UPF2: variants seen among roughly 807,000 people sequenced by gnomAD.
UPF2 encodes the protein regulator of nonsense transcripts 2.
In UPF2, 17 loss-of-function variants were observed where a neutral mutation model predicts 141.4. The observed-to-expected ratio is 0.12, with a 90% CI of 0.08 to 0.18. The LOEUF (loss-of-function observed/expected upper bound fraction) is 0.18. UPF2 is among the 10% of genes least tolerant of loss of function. The pLI, the probability that UPF2 is intolerant of heterozygous loss-of-function variation, is 1.00. For synonymous variants in UPF2, 540 were observed against 498.0 expected (o/e 1.08, Z -1.12); for missense variants, 1,152 against 1,515.9 (o/e 0.76, Z 3.99).
chr10:11,943,671 G>C (rs189229067), intron 16 of UPF2, among the ~76,000 whole-genome samples: 1 of 152,156 alleles, frequency 6.6e-6, no homozygotes, highest in East Asian at 1.9e-4. Flanking sequence ...GAGGATGGAA[G>C]GACAAGCTTT....
chr10:11,972,480 C>T (rs1833436173), intron 9 of UPF2, among the ~76,000 whole-genome samples: 1 of 152,032 alleles, frequency 6.6e-6, no homozygotes, highest in African/African-American at 2.4e-5. Context: ...TGTGCTGCAC[C>T]CGTTAACTCG....
intron 9 of UPF2, among the ~76,000 whole-genome samples, chr10:11,975,034 A>C (rs974093162): frequency 1.3e-5 from 2 of 152,210 alleles, no homozygotes; most frequent in African/African-American, 2.4e-5. Flanking sequence ...AAAGAAACTT[A>C]ATCAAAAAGT....
intron 21 of UPF2, among the ~76,000 whole-genome samples, chr10:11,928,029 A>G (rs1832733909): frequency 6.6e-6 from 1 of 152,142 alleles, no homozygotes. Context: ...TTAAACACTA[A>G]TCCACTAAGT....
rs1361534944 is a variant in UPF2, at chr10:11,921,511, A to C, written c.3810-204T>G. On this transcript the variant is annotated intron_variant, in intron 21 of 21. Transcript: ENST00000357604. The surrounding 1 kb of genome is among the most constrained non-coding windows in gnomAD (Gnocchi z 5.9). ...AATAAAAAATAACATAAATATTAAA[A>C]ACAATACAGTATATCAACTATCTCC... 6.6e-6 allele frequency among the ~76,000 whole-genome samples: 1 copy of C among 152,236 alleles called. No individual in the cohort carries two copies. Among genetic ancestry groups the C allele is most frequent in the Non-Finnish European group, 1.5e-5 (1 of 68,048 alleles).
chr10:11,922,917 A>C (rs1231559212), intron 21 of UPF2, among the ~76,000 whole-genome samples: 3 of 152,138 alleles, frequency 2.0e-5, no homozygotes, highest in South Asian at 2.1e-4. Context: ...GTGTGCCTAT[A>C]GTCCCAGATA....
chr10:12,023,178 AAATATACT>A (rs947174520), intron 3 of UPF2, among the ~76,000 whole-genome samples: 3 of 152,326 alleles, frequency 2.0e-5, no homozygotes, highest in Non-Finnish European at 4.4e-5. Context: ...TAAATGCCCA[AAATATACT>A]AATAGGACCT....
intron 8 of UPF2, among the ~76,000 whole-genome samples, chr10:11,981,656 T>C (rs1833596182): frequency 6.7e-6 from 1 of 149,190 alleles, no homozygotes; most frequent in African/African-American, 2.5e-5. Context: ...CTAAAGATAT[T>C]ACAAAAATAA....
intron 1 of UPF2, among the ~76,000 whole-genome samples, chr10:12,041,778 C>T (rs553864218): frequency 6.6e-6 from 1 of 152,252 alleles, no homozygotes; most frequent in African/African-American, 2.4e-5. Context: ...TGTACCAGCT[C>T]ACAAATGAGG....
At chr10:12,007,863 A>AATAATAATC (rs1462495366) in intron 4 of UPF2, among the ~76,000 whole-genome samples, 1 of 146,508 alleles carries the variant, frequency 6.8e-6, no homozygotes, top group African/African-American at 2.5e-5. Context: ...TAATAATAAT[A>AATAATAATC]ATAATAATTT....
intron 8 of UPF2, among the ~76,000 whole-genome samples, chr10:11,995,963 T>C (rs918287356): frequency 3.3e-5 from 5 of 152,164 alleles, no homozygotes; most frequent in African/African-American, 1.2e-4. Flanking sequence ...CAGTCTTCTC[T>C]GACTCCTCAG....
At chr10:11,934,841 G>A (rs1191957687) in intron 19 of UPF2, among the ~76,000 whole-genome samples, 3 of 152,132 alleles carry the variant, frequency 2.0e-5, no homozygotes, top group Non-Finnish European at 4.4e-5. Flanking sequence ...GCCCGCCTTG[G>A]CCTCCCAAAG....
chr10:11,961,654 G>A (rs1356177694), intron 11 of UPF2, among the ~76,000 whole-genome samples: 7 of 152,122 alleles, frequency 4.6e-5, no homozygotes, highest in Non-Finnish European at 1.0e-4. Flanking sequence ...AGTTGTGTGT[G>A]TATGTGAGAT....
intron 2 of UPF2, among the ~76,000 whole-genome samples, chr10:12,034,838 A>C (rs1298965012): frequency 6.6e-6 from 1 of 152,188 alleles, no homozygotes; most frequent in Non-Finnish European, 1.5e-5. Context: ...CCAGGACCTC[A>C]AAACAGTACT....
At chr10:11,963,918 T>G in intron 11 of UPF2, 91 bp downstream of exon 11, 1 of 835,692 alleles carries the variant, frequency 1.2e-6, no homozygotes, top group South Asian at 2.0e-5. Context: ...TATGAAAGAA[T>G]AAGATAACCA....
chr10:11,924,589 TC>T lies in UPF2; in HGVS notation c.3810-3283del, dbSNP rs981566261. On this transcript the variant is annotated intron_variant, in intron 21 of 21. Transcript: ENST00000357604. ...CAACATGTCGTCTCAAAAAAAAAAA[TC>T]TTTTTTTTAAACTACTTTTTTTTTT... Among the ~76,000 whole-genome samples, 243 of 134,526 alleles carry T rather than the reference TC, an allele frequency of 1.8e-3. 1 individual carries two copies. The highest frequency in any genetic ancestry group is 6.0e-3 in the African/African-American group (225 of 37,452). The allele number at this position is 134,526 out of a possible 152,430, so 88.3% of individuals were successfully genotyped here. A position where few individuals can be genotyped will look rare whatever the true frequency, so the allele number is the denominator to read the frequency against.
At chr10:11,987,762 A>AG in intron 8 of UPF2, among the ~76,000 whole-genome samples, 1 of 27,946 alleles carries the variant, frequency 3.6e-5, no homozygotes, top group Non-Finnish European at 7.3e-5. Flanking sequence ...ACTCTGCCTC[A>AG]AAAAAAAAAA....
chr10:12,035,216 T>G lies in UPF2; in HGVS notation c.208A>C (p.Lys70Gln). ...TCTTCGTCTTTTTTCTTGCGTTCCTTGTCTTCCTTTTTTCTCTTATCATCT... is the reference window on the plus strand; with the variant it reads ...TCTTCGTCTTTTTTCTTGCGTTCCTGGTCTTCCTTTTTTCTCTTATCATCT... ...LEDDKRKKED[K>Q]ERKKKDEEKV... is the part of the protein sequence containing the mutation. The change falls in exon 2 of 22, where the codon AAG becomes CAG. Residue 70 changes from lysine (K) to glutamine (Q), a missense_variant. Around this residue, in one of 4 missense-constraint regions of UPF2, gnomAD observed 145 missense variants for 136.5 expected, o/e 1.06. Transcript: ENST00000357604. The G allele has an allele frequency of 6.2e-7, 1 of 1,613,824 alleles. No individual in the cohort carries two copies. Among genetic ancestry groups the G allele is most frequent in the Non-Finnish European group, 8.5e-7 (1 of 1,179,996 alleles).
intron 9 of UPF2, among the ~76,000 whole-genome samples, chr10:11,969,379 C>G (rs1833377278): frequency 6.6e-6 from 1 of 152,072 alleles, no homozygotes; most frequent in Non-Finnish European, 1.5e-5. Flanking sequence ...CTATGTTGGT[C>G]AGGCTGGTCT....
At chr10:12,022,272 C>T (rs1203088738) in intron 3 of UPF2, among the ~76,000 whole-genome samples, 3 of 149,520 alleles carry the variant, frequency 2.0e-5, no homozygotes, top group Non-Finnish European at 4.4e-5. Context: ...ATTAGCCAGG[C>T]GTGGCGGCAT....
Sources: allele counts gnomAD v4.1 joint callset (sites outside exome capture counted in the v4.1 genomes callset), GRCh38; gene constraint gnomAD v4.1.1; regional missense constraint gnomAD v4.1.1; non-coding constraint Gnocchi (gnomAD v3.1); transcripts MANE v1.5; gene names NCBI Gene and HGNC (gene_info 2026-07-23, HGNC 2026-07-21).